ASAP1: variants seen among roughly 807,000 people sequenced by gnomAD.
ASAP1 encodes the protein arf-GAP with SH3 domain, ANK repeat and PH domain-containing protein 1.
Under a neutral mutation model 145.2 loss-of-function variants are expected in ASAP1, and 43 were observed. The ratio of observed to expected loss-of-function variants is 0.30; its 90% confidence interval spans 0.23 to 0.38. The LOEUF is 0.38. Ranked by LOEUF, ASAP1 falls within the 10% of genes least tolerant of loss-of-function variation. The pLI is 1.00. For synonymous variants in ASAP1, 546 were observed against 515.5 expected (o/e 1.06, Z -0.80); for missense variants, 1,018 against 1,355.3 (o/e 0.75, Z 3.91).
chr8:130,086,589 A>C (rs1398887061), intron 25 of ASAP1, among the ~76,000 whole-genome samples: 1 of 152,196 alleles, frequency 6.6e-6, no homozygotes, highest in African/African-American at 2.4e-5. Context: ...TGGATCACAT[A>C]ACTCAGGAGT....
At chr8:130,172,119 G>T (rs1813631573) in intron 9 of ASAP1, among the ~76,000 whole-genome samples, 1 of 152,152 alleles carries the variant, frequency 6.6e-6, no homozygotes, top group Non-Finnish European at 1.5e-5. Flanking sequence ...AAATAATACA[G>T]ATAGGACATG....
intron 14 of ASAP1, among the ~76,000 whole-genome samples, chr8:130,135,815 A>C (rs959209245): frequency 2.0e-5 from 3 of 152,132 alleles, no homozygotes; most frequent in South Asian, 4.1e-4. Context: ...AAATTTTCCT[A>C]TTTCTTTCTC....
In ASAP1 at chr8:130,361,592, G is replaced by A; in HGVS notation, c.60-3449C>T. The A allele has an allele frequency of 1.9e-5, 20 of 1,038,242 alleles. 1 individual carries two copies. Among genetic ancestry groups the A allele is most frequent in the Admixed American group, 1.4e-4 (7 of 50,332 alleles). 64.3% of individuals were successfully genotyped at this position (1,038,242 alleles called of 1,614,324 possible). A position where few individuals can be genotyped will look rare whatever the true frequency, so the allele number is the denominator to read the frequency against. On this transcript the variant is annotated intron_variant, in intron 2 of 29. Transcript: ENST00000518721. ...CAAGAAAGGAATATGCTCACAATGA[G>A]ATATTGTGCTTTGGTAAGTATATAC...
At chr8:130,126,339 A>G (rs1373901045) in intron 16 of ASAP1, among the ~76,000 whole-genome samples, 1 of 152,210 alleles carries the variant, frequency 6.6e-6, no homozygotes. Flanking sequence ...AAGAGACCCT[A>G]TGCAACACCT....
intron 1 of ASAP1, among the ~76,000 whole-genome samples, chr8:130,419,901 G>C (rs1284717279): frequency 6.6e-6 from 1 of 151,248 alleles, no homozygotes; most frequent in Admixed American, 6.6e-5. Context: ...CAGGAGCCTT[G>C]GGGCTTTGCT....
At chr8:130,338,198 A>G (rs114591187) in intron 3 of ASAP1, among the ~76,000 whole-genome samples, 7 of 152,194 alleles carry the variant, frequency 4.6e-5, no homozygotes, top group African/African-American at 1.7e-4. Flanking sequence ...AAAAAGGTAT[A>G]TATTTATAGG....
chr8:130,164,137 T>C (rs2097675290), intron 11 of ASAP1, among the ~76,000 whole-genome samples: 1 of 152,198 alleles, frequency 6.6e-6, no homozygotes, highest in Admixed American at 6.5e-5. Context: ...ACAGGACAGA[T>C]ACTGTGACAT....
chr8:130,089,901 A>T (rs995512298), intron 25 of ASAP1, among the ~76,000 whole-genome samples: 1 of 152,154 alleles, frequency 6.6e-6, no homozygotes, highest in African/African-American at 2.4e-5. Context: ...AGTCCATGCC[A>T]TGTGGCGAAC....
chr8:130,258,882 G>T (rs1819727033), intron 3 of ASAP1, among the ~76,000 whole-genome samples: 1 of 152,060 alleles, frequency 6.6e-6, no homozygotes, highest in African/African-American at 2.4e-5. Flanking sequence ...TCCTTGTTTC[G>T]ATTCCCATGT....
At chr8:130,156,527 T>C (rs1307385199) in intron 12 of ASAP1, among the ~76,000 whole-genome samples, 1 of 152,156 alleles carries the variant, frequency 6.6e-6, no homozygotes, top group Admixed American at 6.5e-5. Flanking sequence ...TTCATCTATG[T>C]GTGTGGAATG....
chr8:130,181,723 C>G (rs571260087), intron 7 of ASAP1, among the ~76,000 whole-genome samples: 149 of 152,310 alleles, frequency 9.8e-4, no homozygotes, highest in African/African-American at 3.5e-3. Flanking sequence ...ATTAAACATA[C>G]AGTAGCTGAC....
chr8:130,253,891 G>A (rs1586690281), intron 3 of ASAP1, among the ~76,000 whole-genome samples: 1 of 152,082 alleles, frequency 6.6e-6, no homozygotes, highest in Admixed American at 6.5e-5. Flanking sequence ...CGTGGCGGTG[G>A]GAGCCTGTAA....
chr8:130,080,982 A>G lies in ASAP1; in HGVS notation c.2573-1011T>C, dbSNP rs186804950. ...TACTATGTGCAAGGCATAAATGTGA[A>G]GCAGAAGGCACAAAAACAAATAAAA... On this transcript the variant is annotated intron_variant, in intron 25 of 29. Transcript: ENST00000518721. 2.3e-3 allele frequency among the ~76,000 whole-genome samples: 356 copies of G among 152,358 alleles called. 5 individuals carry two copies. The highest frequency in any genetic ancestry group is 0.022 in the Admixed American group (330 of 15,298).
At chr8:130,331,391 C>A (rs969797806) in intron 3 of ASAP1, among the ~76,000 whole-genome samples, 1 of 152,186 alleles carries the variant, frequency 6.6e-6, no homozygotes, top group Non-Finnish European at 1.5e-5. Context: ...GCATTCCTTA[C>A]TAACTGTGTC....
In ASAP1 at chr8:130,194,858, T is replaced by G. The variant is rs559762338; in HGVS notation, c.406-6675A>C. On this transcript the variant is annotated intron_variant, in intron 5 of 29. Transcript: ENST00000518721. ...CAAGGTTCCTAACAAAGACAATGAG[T>G]CAGCAGGGGTTGGGGGCCCCTCCTT... Among the ~76,000 whole-genome samples, 5 of 151,802 alleles carry G rather than the reference T, an allele frequency of 3.3e-5. No individual in the cohort carries two copies. The East Asian group carries it at 9.7e-4, about 30-fold the overall frequency.
At chr8:130,313,594 C>A (rs1164147226) in intron 3 of ASAP1, among the ~76,000 whole-genome samples, 1 of 152,146 alleles carries the variant, frequency 6.6e-6, no homozygotes, top group Admixed American at 6.5e-5. Flanking sequence ...AAATGAGAAA[C>A]TTCTTTTGGC....
intron 3 of ASAP1, among the ~76,000 whole-genome samples, chr8:130,299,562 T>C (rs2137400645): frequency 6.6e-6 from 1 of 152,318 alleles, no homozygotes; most frequent in South Asian, 2.1e-4. Context: ...ATATACATGT[T>C]TAGTTGCTAT....
intron 3 of ASAP1, among the ~76,000 whole-genome samples, chr8:130,284,778 C>A (rs1821494133): frequency 6.6e-6 from 1 of 151,884 alleles, no homozygotes; most frequent in Admixed American, 6.6e-5. Context: ...CTAATATTCC[C>A]TCCCCCCATA....
chr8:130,395,939 T>G (rs11784842), intron 2 of ASAP1, among the ~76,000 whole-genome samples: 5,224 of 152,286 alleles, frequency 0.034, 126 homozygotes, highest in Middle Eastern at 0.075. Flanking sequence ...GTGCTGGGAT[T>G]ATAGGTGTGA....
Sources: gnomAD v4.1 joint callset for allele counts (sites outside exome capture counted in the v4.1 genomes callset) on GRCh38, gnomAD v4.1.1 for gene constraint, MANE v1.5 for transcripts, NCBI Gene and HGNC (gene_info 2026-07-23, HGNC 2026-07-21) for gene names.